HDAC9: variants seen among roughly 807,000 people sequenced by gnomAD.
The protein encoded by HDAC9 is MEF-2 interacting transcription repressor (MITR) protein.
In HDAC9, 41 loss-of-function variants were observed where a neutral mutation model predicts 139.4. That is an observed-to-expected ratio of 0.29 (90% CI 0.23 to 0.38). The LOEUF is 0.38. Among genes scored for constraint, HDAC9 ranks in the 10% least tolerant of loss-of-function variants. The pLI is 1.00. For synonymous variants in HDAC9, 517 were observed against 476.2 expected (o/e 1.09, Z -1.12); for missense variants, 1,147 against 1,297.0 (o/e 0.88, Z 1.78).
At chr7:18,181,006 C>T (rs1321223428) in intron 2 of HDAC9, among the ~76,000 whole-genome samples, 1 of 152,186 alleles carries the variant, frequency 6.6e-6, no homozygotes, top group Non-Finnish European at 1.5e-5. Context: ...TCTCCTCCTC[C>T]TTCACTCTTA....
chr7:18,437,629 A>G (rs1791332803), intron 1 of HDAC9, among the ~76,000 whole-genome samples: 2 of 151,236 alleles, frequency 1.3e-5, no homozygotes, highest in Admixed American at 6.6e-5. Context: ...ATACCACAGT[A>G]CACGCACACA....
intron 1 of HDAC9, among the ~76,000 whole-genome samples, chr7:18,459,170 C>T (rs1250015371): frequency 3.9e-5 from 6 of 152,084 alleles, no homozygotes; most frequent in Admixed American, 1.3e-4. Context: ...CCCCTCTCTA[C>T]TCGTGTTATA....
intron 1 of HDAC9, among the ~76,000 whole-genome samples, chr7:18,344,496 G>A (rs931223285): frequency 2.0e-5 from 3 of 151,932 alleles, no homozygotes; most frequent in Non-Finnish European, 2.9e-5. Context: ...TAGCACTTAT[G>A]TTTACAAATG....
chr7:18,178,141 T>G (rs1394521205), intron 2 of HDAC9, among the ~76,000 whole-genome samples: 2 of 150,096 alleles, frequency 1.3e-5, no homozygotes, highest in Non-Finnish European at 3.0e-5. Context: ...TGGAGTGCAG[T>G]GGCACAATCT....
chr7:18,854,696 A>G (rs1024716882), intron 21 of HDAC9, among the ~76,000 whole-genome samples: 5 of 152,142 alleles, frequency 3.3e-5, no homozygotes. Context: ...AAAGTATAAA[A>G]AGTCTAATAG....
chr7:18,393,914 A>T (rs1021606140), intron 1 of HDAC9, among the ~76,000 whole-genome samples: 2 of 152,198 alleles, frequency 1.3e-5, no homozygotes, highest in African/African-American at 4.8e-5. Flanking sequence ...GGAAGTACTT[A>T]GAGTTTAATG....
In HDAC9 at chr7:18,951,711, A is replaced by G. The variant is rs575732457; in HGVS notation, c.2938-2435A>G. ...TAAATACATAGCAAAACTTTACCAC[A>G]TATTCTTATTTTCTGCTCCAAATTT... On this transcript the variant is annotated intron_variant, in intron 23 of 25. Coordinates refer to ENST00000686413, the MANE Select transcript of HDAC9 (RefSeq NM_178425.4). 2.6e-3 allele frequency among the ~76,000 whole-genome samples: 388 copies of G among 151,900 alleles called. 2 individuals carry two copies. Among genetic ancestry groups the G allele is most frequent in the Non-Finnish European group, 4.1e-3 (276 of 67,848 alleles).
At chr7:18,694,203 A>G (rs1249410951) in intron 12 of HDAC9, among the ~76,000 whole-genome samples, 2 of 152,154 alleles carry the variant, frequency 1.3e-5, no homozygotes, top group Non-Finnish European at 2.9e-5. Flanking sequence ...GAGGCTGAAA[A>G]AAGAAAAGAC....
intron 1 of HDAC9, among the ~76,000 whole-genome samples, chr7:18,470,473 T>G (rs1162398874): frequency 6.6e-6 from 1 of 152,186 alleles, no homozygotes; most frequent in Non-Finnish European, 1.5e-5. Context: ...ATTCTTTCTT[T>G]TAAATCATTA....
chr7:18,435,012 A>T (rs78611079), intron 1 of HDAC9, among the ~76,000 whole-genome samples: 6,931 of 143,932 alleles, frequency 0.048, 274 homozygotes, highest in African/African-American at 0.11. Context: ...GACAGTAGAC[A>T]GGAAAAAGAA....
chr7:18,273,096 A>C, intron 2 of HDAC9, among the ~76,000 whole-genome samples: 1 of 97,020 alleles, frequency 1.0e-5, no homozygotes, highest in South Asian at 3.1e-4. Flanking sequence ...ACAAGACAGG[A>C]TGTCTGTTGC....
intron 2 of HDAC9, among the ~76,000 whole-genome samples, chr7:18,548,304 A>T (rs970502617): frequency 6.6e-6 from 1 of 152,278 alleles, no homozygotes; most frequent in East Asian, 1.9e-4. Flanking sequence ...CTGATTACAG[A>T]TTACCCTAAC....
intron 12 of HDAC9, among the ~76,000 whole-genome samples, chr7:18,706,652 A>G (rs756351044): frequency 2.0e-5 from 3 of 152,176 alleles, no homozygotes; most frequent in Non-Finnish European, 4.4e-5. Context: ...AGTCATGTCT[A>G]GAGACATTTT....
chr7:18,464,024 T>C (rs938408377), intron 1 of HDAC9, among the ~76,000 whole-genome samples: 1 of 151,968 alleles, frequency 6.6e-6, no homozygotes, highest in South Asian at 2.1e-4. Context: ...GTTGCTTGTG[T>C]GGCATTTACT....
intron 2 of HDAC9, among the ~76,000 whole-genome samples, chr7:18,501,748 A>G (rs1205996402): frequency 3.9e-5 from 6 of 152,162 alleles, no homozygotes; most frequent in Admixed American, 3.9e-4. Context: ...ATACCTCTTT[A>G]CAGTGTATGA....
intron 7 of HDAC9, 83 bp from the exon 8 acceptor site, chr7:18,634,544 G>A (rs1783304343): frequency 1.2e-6 from 1 of 809,182 alleles, no homozygotes; most frequent in Non-Finnish European, 2.0e-6. Flanking sequence ...AAAATAACAT[G>A]CCCAATGTTA....
intron 1 of HDAC9, among the ~76,000 whole-genome samples, chr7:18,455,031 T>C (rs1793216070): frequency 6.6e-6 from 1 of 152,096 alleles, no homozygotes; most frequent in Non-Finnish European, 1.5e-5. Context: ...CACAGCTGCC[T>C]TTGGTCTTGA....
At chr7:18,983,207 C>G (rs1785075738) in intron 25 of HDAC9, among the ~76,000 whole-genome samples, 1 of 152,180 alleles carries the variant, frequency 6.6e-6, no homozygotes. Context: ...CAACTTTTGT[C>G]TTTTTCTACT....
chr7:18,619,490 A>G (rs974603733), intron 6 of HDAC9, among the ~76,000 whole-genome samples: 1 of 152,208 alleles, frequency 6.6e-6, no homozygotes, highest in Admixed American at 6.5e-5. Context: ...GGCTGGAGCC[A>G]TATTGCAGTG....
Sources: gnomAD v4.1 joint callset for allele counts (sites outside exome capture counted in the v4.1 genomes callset) on GRCh38, gnomAD v4.1.1 for gene constraint, MANE v1.5 for transcripts, NCBI Gene and HGNC (gene_info 2026-07-23, HGNC 2026-07-21) for gene names.